MEGF9: variants seen among roughly 807,000 people sequenced by gnomAD.
MEGF9 encodes the protein multiple epidermal growth factor-like domains protein 9.
A neutral mutation model predicts 46.8 loss-of-function variants in MEGF9; 6 were observed. The observed-to-expected ratio is 0.13, with a 90% CI of 0.07 to 0.25. The LOEUF (loss-of-function observed/expected upper bound fraction) is 0.25. MEGF9 is among the 10% of genes least tolerant of loss of function. The probability of loss-of-function intolerance (pLI) is 1.00; values close to 1 mark genes in which losing one functional copy is unlikely to be tolerated. For missense variants in MEGF9, 683 were observed against 792.4 expected (o/e 0.86, Z 1.66); for synonymous variants, 302 against 330.7 (o/e 0.91, Z 0.94).
At position 120,622,434 on chromosome 9, in the gene MEGF9, T is replaced by TTTTTTTTTTTA. The variant is rs1554794918; in HGVS notation, c.943+181_943+182insTAAAAAAAAAA. Among the ~76,000 whole-genome samples the TTTTTTTTTTTA allele has an allele frequency of 7.7e-3, 1,140 of 147,940 alleles. 25 individuals carry two copies. Among genetic ancestry groups the TTTTTTTTTTTA allele is most frequent in the African/African-American group, 0.025 (1,002 of 39,410 alleles). On this transcript the variant is annotated intron_variant, in intron 3 of 5. Coordinates refer to ENST00000373930, the MANE Select transcript of MEGF9 (RefSeq NM_001080497.3). ...GTATATGACTTTTTTTTTTTTTTTTTAATTTACGTACTTTTTCAAGTTTGT... is the reference window on the plus strand; with the variant it reads ...GTATATGACTTTTTTTTTTTTTTTTTTTTTTTTTTTAAATTTACGTACTTTTTCAAGTTTGT...
chr9:120,659,229 A>C, intron 2 of MEGF9, 145 bp downstream of exon 2: 1 of 501,978 alleles, frequency 2.0e-6, no homozygotes, highest in Non-Finnish European at 3.4e-6. Context: ...CATATAAAGT[A>C]AGAGAATAAA....
intron 1 of MEGF9, among the ~76,000 whole-genome samples, chr9:120,688,179 A>G (rs908900678): frequency 7.9e-5 from 12 of 151,392 alleles, no homozygotes; most frequent in African/African-American, 2.2e-4. Context: ...ACGCACGCAC[A>G]CACAACTTCT....
At chr9:120,656,895 T>TA (rs1246281976) in intron 2 of MEGF9, among the ~76,000 whole-genome samples, 3 of 152,084 alleles carry the variant, frequency 2.0e-5, no homozygotes, top group African/African-American at 7.2e-5. Flanking sequence ...CCAGCCTGGG[T>TA]ATACGGTGCG....
Position 120,653,361 on chromosome 9 carries a change from T to TTTTA in MEGF9, c.803+6009_803+6012dup, listed in dbSNP as rs1429527306. 2.1e-4 allele frequency among the ~76,000 whole-genome samples: 32 copies of TTTTA among 150,214 alleles called. No homozygotes were observed. The South Asian group carries it at 5.8e-3, about 27-fold the overall frequency. On this transcript the variant is annotated intron_variant, in intron 2 of 5. Transcript: ENST00000373930. ...AATTGCCTGACATTCTGAAATAATA[T>TTTTA]TTTATTTATTTTATTTATTTTTTTT...
At chr9:120,699,343 C>T (rs944805858) in intron 1 of MEGF9, among the ~76,000 whole-genome samples, 18 of 151,818 alleles carry the variant, frequency 1.2e-4, no homozygotes, top group Non-Finnish European at 1.3e-4. Flanking sequence ...TTTAAAAAAG[C>T]TTTATGGGAC....
chr9:120,709,242 C>A (rs574490838), intron 1 of MEGF9, among the ~76,000 whole-genome samples: 32 of 152,102 alleles, frequency 2.1e-4, no homozygotes, highest in African/African-American at 6.7e-4. Flanking sequence ...CATGGTGAAA[C>A]CCTGTCTGTA....
intron 1 of MEGF9, among the ~76,000 whole-genome samples, chr9:120,669,575 C>CA (rs796654931): frequency 0.069 from 8,953 of 129,934 alleles, 864 homozygotes; most frequent in African/African-American, 0.23. Context: ...GATGTTTAGG[C>CA]AAAAAAAAAA....
chr9:120,638,192 A>C (rs2043587369), intron 2 of MEGF9, among the ~76,000 whole-genome samples: 1 of 152,122 alleles, frequency 6.6e-6, no homozygotes, highest in South Asian at 2.1e-4. Context: ...GGGTCTCACT[A>C]TGTTACCCAC....
chr9:120,649,567 G>C (rs2043640653), intron 2 of MEGF9, among the ~76,000 whole-genome samples: 1 of 152,106 alleles, frequency 6.6e-6, no homozygotes, highest in South Asian at 2.1e-4. Flanking sequence ...GCTGGGACAG[G>C]CTCCAACCAC....
At chr9:120,672,723 A>T (rs2043755506) in intron 1 of MEGF9, among the ~76,000 whole-genome samples, 1 of 152,220 alleles carries the variant, frequency 6.6e-6, no homozygotes. Context: ...CTAATAAATG[A>T]CATTAATAAG....
At chr9:120,669,845 T>C (rs971514355) in intron 1 of MEGF9, among the ~76,000 whole-genome samples, 1 of 152,142 alleles carries the variant, frequency 6.6e-6, no homozygotes, top group African/African-American at 2.4e-5. Flanking sequence ...CTCTCAGAAA[T>C]TGATATCAGA....
At position 120,605,325 on chromosome 9, in the gene MEGF9, G is replaced by C; in HGVS notation, c.1674C>G (p.Asp558Glu). Reference sequence around the variant, plus strand: ...CATGGTAGCTGCTGAAACTGATATTGTCTTCTTTCAGCTCGATGGTCCAAA... The same window carrying C: ...CATGGTAGCTGCTGAAACTGATATTCTCTTCTTTCAGCTCGATGGTCCAAA... ...APFWTIELKE[D>E]NISFSSYHDS... The change falls in exon 6 of 6, where the codon GAC becomes GAG. Residue 558 changes from aspartate (D) to glutamate (E), a missense_variant. Around this residue, in one of 2 missense-constraint regions of MEGF9, gnomAD observed 313 missense variants for 421.1 expected, o/e 0.74. Transcript: ENST00000373930. The surrounding 1 kb of genome is among the most constrained non-coding windows in gnomAD (Gnocchi z 4.0). The C allele has an allele frequency of 6.2e-7, 1 of 1,613,972 alleles. No individual in the cohort carries two copies. The highest frequency in any genetic ancestry group is 1.1e-5 in the South Asian group (1 of 91,090).
rs139704125 is a variant in MEGF9, at chr9:120,637,602, G to T, written c.804-14847C>A. Among the ~76,000 whole-genome samples the T allele has an allele frequency of 4.2e-3, 638 of 151,308 alleles. 5 individuals are homozygous for T. Among genetic ancestry groups the T allele is most frequent in the African/African-American group, 0.015 (602 of 41,268 alleles). ...AGGTCAGGAGTTCAAGACCAGCTTG[G>T]CCAAGATGGTGTTACCCCATCTCTA... On this transcript the variant is annotated intron_variant, in intron 2 of 5. Coordinates refer to ENST00000373930, the MANE Select transcript of MEGF9 (RefSeq NM_001080497.3).
chr9:120,700,445 C>T (rs2043898823), intron 1 of MEGF9, among the ~76,000 whole-genome samples: 2 of 152,178 alleles, frequency 1.3e-5, no homozygotes, highest in South Asian at 2.1e-4. Flanking sequence ...CAATAACTCA[C>T]ATAACATCAA....
At chr9:120,654,918 A>G (rs1340999892) in intron 2 of MEGF9, among the ~76,000 whole-genome samples, 1 of 152,164 alleles carries the variant, frequency 6.6e-6, no homozygotes, top group East Asian at 1.9e-4. Flanking sequence ...TTAAAATAGA[A>G]AAAAGCTTAT....
At chr9:120,652,737 G>A (rs1476939335) in intron 2 of MEGF9, among the ~76,000 whole-genome samples, 1 of 151,930 alleles carries the variant, frequency 6.6e-6, no homozygotes, top group Non-Finnish European at 1.5e-5. Context: ...AATGGGTAAT[G>A]ACCTTTGTGT....
chr9:120,693,767 A>G (rs1293170315), intron 1 of MEGF9, among the ~76,000 whole-genome samples: 1 of 152,164 alleles, frequency 6.6e-6, no homozygotes, highest in Non-Finnish European at 1.5e-5. Context: ...CTTGTGTTTC[A>G]TGTTTTACAC....
intron 1 of MEGF9, among the ~76,000 whole-genome samples, chr9:120,697,987 G>A (rs2132341782): frequency 6.6e-6 from 1 of 152,254 alleles, no homozygotes; most frequent in African/African-American, 2.4e-5. Context: ...GAAAAAAGGG[G>A]CACAGATTTG....
intron 2 of MEGF9, among the ~76,000 whole-genome samples, chr9:120,629,171 G>T (rs552261981): frequency 3.3e-5 from 5 of 152,190 alleles, no homozygotes; most frequent in Middle Eastern, 3.4e-3. Flanking sequence ...GTAGAGACAG[G>T]TTCACATTAT....
Sources: allele counts gnomAD v4.1 joint callset (sites outside exome capture counted in the v4.1 genomes callset), GRCh38; gene constraint gnomAD v4.1.1; regional missense constraint gnomAD v4.1.1; non-coding constraint Gnocchi (gnomAD v3.1); transcripts MANE v1.5; gene names NCBI Gene and HGNC (gene_info 2026-07-23, HGNC 2026-07-21).